COL12A1: variants seen among roughly 807,000 people sequenced by gnomAD.
COL12A1 encodes the protein collagen type XII alpha 1 chain, also known as collagen alpha-1(XII) chain.
A neutral mutation model predicts 349.7 loss-of-function variants in COL12A1; 114 were observed. The ratio of observed to expected loss-of-function variants is 0.33; its 90% CI spans 0.28 to 0.38. COL12A1 has a LOEUF of 0.38. COL12A1 is among the 10% of genes least tolerant of loss of function. The pLI, the probability that COL12A1 is intolerant of heterozygous loss-of-function variation, is 1.00. For synonymous variants in COL12A1, 1,369 were observed against 1,329.0 expected (o/e 1.03, Z -0.66); for missense variants, 3,284 against 3,756.9 (o/e 0.87, Z 3.29).
chr6:75,143,227 A>G, intron 26 of COL12A1, 25 bp downstream of exon 26: 1 of 1,612,032 alleles, frequency 6.2e-7, no homozygotes, highest in Non-Finnish European at 8.5e-7. Flanking sequence ...AAATATTTTC[A>G]TATCTACTAT....
rs552726593 is a variant in COL12A1 at position 75,183,159 on chromosome 6, G to A, written c.1782C>T (p.Thr594=). 2 of 1,614,110 alleles carry A rather than the reference G, an allele frequency of 1.2e-6. No individual in the cohort carries two copies. The highest frequency in any genetic ancestry group is 2.7e-5 in the African/African-American group (2 of 75,036). Residue 594 remains threonine, a synonymous_variant, in exon 10 of 66, where the codon ACC becomes ACT. Transcript: ENST00000322507. ...CAAAATCTTCCACTGTGAACACATG[G>A]GTCTCTGCAGGAGGAGAGGCAATAG... ...LEAIASPPAE[T]HVFTVEDFDA...
chr6:75,087,057 C>T (rs1394987517), intron 65 of COL12A1: 2 of 153,302 alleles, frequency 1.3e-5, no homozygotes, highest in African/African-American at 4.8e-5. Flanking sequence ...AATTGTCAAA[C>T]ACTAGAATTT....
intron 14 of COL12A1, among the ~76,000 whole-genome samples, chr6:75,161,494 T>C (rs1260379752): frequency 1.3e-5 from 2 of 152,040 alleles, no homozygotes; most frequent in Non-Finnish European, 2.9e-5. Context: ...AAATGAACAT[T>C]TCATTCCTGC....
chr6:75,142,726 A>AT (rs1367423051), intron 26 of COL12A1, among the ~76,000 whole-genome samples: 2 of 152,192 alleles, frequency 1.3e-5, no homozygotes, highest in East Asian at 3.8e-4. Flanking sequence ...TTGCTGGTTC[A>AT]TGAAGCCCTT....
chr6:75,182,962 A>C, intron 10 of COL12A1, 88 bp downstream of exon 10: 2 of 1,453,118 alleles, frequency 1.4e-6, no homozygotes, highest in Non-Finnish European at 1.8e-6. Flanking sequence ...GTCTATAAGA[A>C]GAATTGAACA....
chr6:75,189,811 G>A lies in COL12A1; in HGVS notation c.399C>T (p.Cys133=). The change falls in exon 6 of 66, where the codon TGC becomes TGT. Residue 133 remains cysteine, a synonymous_variant. Transcript: ENST00000322507. ...KKPGKTEIQK[C]SVSAWTDLVF... is the part of the protein sequence containing the mutation. ...CCAAATCAGTCCAGGCACTGACAGA[G>A]CATTCTGAAATACATTTGATATCTT... is the stretch of plus-strand genomic sequence containing the variant. 1 of 1,611,124 alleles carries A rather than the reference G, an allele frequency of 6.2e-7. No homozygotes were observed. The highest frequency in any genetic ancestry group is 1.1e-5 in the South Asian group (1 of 90,834).
At chr6:75,142,308 A>G in intron 26 of COL12A1, 147 bp from the exon 27 acceptor site, 1 of 908,738 alleles carries the variant, frequency 1.1e-6, no homozygotes, top group Non-Finnish European at 1.6e-6. Context: ...GAATCCAGAA[A>G]CTGGACACAG....
At chr6:75,142,202 G>A in intron 26 of COL12A1, 41 bp from the exon 27 acceptor site, 3 of 1,611,610 alleles carry the variant, frequency 1.9e-6, no homozygotes, top group Non-Finnish European at 2.5e-6. Context: ...TTTACAAAGG[G>A]TTTACTTTTG....
chr6:75,148,908 G>C (rs955045735), intron 21 of COL12A1, among the ~76,000 whole-genome samples: 3 of 152,110 alleles, frequency 2.0e-5, no homozygotes, highest in African/African-American at 7.2e-5. Context: ...GAAACATGGG[G>C]GTGGTTTCCC....
intron 25 of COL12A1, 64 bp from the exon 26 acceptor site, chr6:75,143,452 T>G: frequency 6.4e-7 from 1 of 1,556,034 alleles, no homozygotes; most frequent in East Asian, 2.3e-5. Context: ...AAAGCATCCA[T>G]GCAAGCTTTC....
At chr6:75,098,878 TTCTC>T (rs1469739793) in intron 58 of COL12A1, among the ~76,000 whole-genome samples, 1 of 152,110 alleles carries the variant, frequency 6.6e-6, no homozygotes, top group African/African-American at 2.4e-5. Context: ...ATGTTATTTT[TTCTC>T]TCTCTCTGTA....
In COL12A1 at chr6:75,183,923, T is replaced by C. The variant is rs761026656; in HGVS notation, c.1219A>G (p.Met407Val). 3 of 1,614,206 alleles carry C rather than the reference T, an allele frequency of 1.9e-6. No individual in the cohort carries two copies. The highest frequency in any genetic ancestry group is 2.5e-6 in the Non-Finnish European group (3 of 1,180,024). Reference protein sequence around the residue: ...DTEYQISVSAMKGMTSSEPIS... With the variant: ...DTEYQISVSAVKGMTSSEPIS... ...GGTTCACTGGATGTCATTCCCTTCA[T>C]GGCGGAAACACTGATCTGGTATTCT... is the stretch of plus-strand genomic sequence containing the variant. The change falls in exon 9 of 66, where the codon ATG (methionine) becomes GTG (valine). Residue 407 changes from methionine to valine, a missense_variant. Coordinates refer to ENST00000322507, the MANE Select transcript of COL12A1 (RefSeq NM_004370.6).
At chr6:75,104,931 G>A (rs547878936) in intron 54 of COL12A1, among the ~76,000 whole-genome samples, 1 of 152,188 alleles carries the variant, frequency 6.6e-6, no homozygotes, top group South Asian at 2.1e-4. Flanking sequence ...GGAAATCCAG[G>A]TTCATATCTT....
chr6:75,121,185 C>A (rs910041582), intron 44 of COL12A1, 117 bp downstream of exon 44: 3 of 913,658 alleles, frequency 3.3e-6, no homozygotes, highest in African/African-American at 1.7e-5. Context: ...AAAGAAATAG[C>A]AAATAGGAGA....
At chr6:75,139,318 T>C (rs1440791702) in intron 27 of COL12A1, among the ~76,000 whole-genome samples, 2 of 152,168 alleles carry the variant, frequency 1.3e-5, no homozygotes, top group East Asian at 3.9e-4. Context: ...CCTTCTCCAG[T>C]CTATCAATAA....
At position 75,117,651 on chromosome 6, in the gene COL12A1, A is replaced by C. The variant is rs537779626; in HGVS notation, c.7355-105T>G. On this transcript the variant is annotated intron_variant, in intron 46 of 65. Transcript: ENST00000322507. Reference sequence around the variant, plus strand: ...TCAGAAATGATGCTGTATTTTCTTAATGTATGCAGCAAGTCCTTTTACTTG... The same window carrying C: ...TCAGAAATGATGCTGTATTTTCTTACTGTATGCAGCAAGTCCTTTTACTTG... The C allele has an allele frequency of 4.9e-6, 6 of 1,226,526 alleles. No individual in the cohort carries two copies. In the African/African-American group the frequency reaches 7.5e-5, roughly 15 times the overall value. 76.0% of individuals were successfully genotyped at this position (1,226,526 alleles called of 1,614,324 possible). A position where few individuals can be genotyped will look rare whatever the true frequency, so the allele number is the denominator to read the frequency against.
intron 5 of COL12A1, among the ~76,000 whole-genome samples, chr6:75,191,058 A>G (rs145880018): frequency 6.6e-6 from 1 of 151,878 alleles, no homozygotes; most frequent in Admixed American, 6.6e-5. Flanking sequence ...ATCTATCCCC[A>G]TAAGTCAGAA....
chr6:75,147,912 A>G, intron 22 of COL12A1, 108 bp from the exon 23 acceptor site: 1 of 1,170,894 alleles, frequency 8.5e-7, no homozygotes, highest in African/African-American at 1.6e-5. Flanking sequence ...CTATATTTCA[A>G]TTAGGCCATT....
chr6:75,118,835 ACATCTTATACAAAGAATACCC>A (rs1769210558), intron 46 of COL12A1, among the ~76,000 whole-genome samples, 187 bp downstream of exon 46: 1 of 152,154 alleles, frequency 6.6e-6, no homozygotes, highest in African/African-American at 2.4e-5. Flanking sequence ...ATCCTGAACC[ACATCTTATACAAAGAATACCC>A]CATGTCATTT....
Sources: gnomAD v4.1 joint callset for allele counts (sites outside exome capture counted in the v4.1 genomes callset) on GRCh38, gnomAD v4.1.1 for gene constraint, MANE v1.5 for transcripts, NCBI Gene and HGNC (gene_info 2026-07-23, HGNC 2026-07-21) for gene names.